Variants in BIN3 observed in about 807,000 individuals in gnomAD.
The protein encoded by BIN3 is bridging integrator 3.
A neutral mutation model predicts 38.2 loss-of-function variants in BIN3; 41 were observed. The observed-to-expected ratio is 1.07, with a 90% CI of 0.84 to 1.39. The LOEUF (loss-of-function observed/expected upper bound fraction) is 1.39. BIN3 is among the 40% of genes most tolerant of loss of function. BIN3 has a pLI of 0.00. For synonymous variants in BIN3, 145 were observed against 122.6 expected (o/e 1.18, Z -1.21); for missense variants, 361 against 324.3 (o/e 1.11, Z -0.87).
At chr8:22,644,908 C>T (rs924367476) in intron 1 of BIN3, 105 bp from the exon 2 acceptor site, 18 of 1,000,194 alleles carry the variant, frequency 1.8e-5, no homozygotes, top group East Asian at 2.7e-5. Context: ...GGCGAGGAAG[C>T]GTGGCCATGG....
chr8:22,639,911 C>G (rs1802488156), intron 2 of BIN3, among the ~76,000 whole-genome samples: 1 of 151,904 alleles, frequency 6.6e-6, no homozygotes, highest in Non-Finnish European at 1.5e-5. Flanking sequence ...ACCCAGGCTA[C>G]AGGGCAATGG....
intron 4 of BIN3, among the ~76,000 whole-genome samples, 189 bp downstream of exon 4, chr8:22,636,336 G>A (rs1802363892): frequency 6.6e-6 from 1 of 152,214 alleles, no homozygotes; most frequent in Non-Finnish European, 1.5e-5. Flanking sequence ...TCCAGAGTGG[G>A]GCAGTGCGAG....
chr8:22,653,814 C>A (rs1802972123), intron 1 of BIN3, among the ~76,000 whole-genome samples: 1 of 152,126 alleles, frequency 6.6e-6, no homozygotes. Flanking sequence ...TAAGTTGGGA[C>A]CCTGAGGCTG....
intron 1 of BIN3, among the ~76,000 whole-genome samples, chr8:22,646,693 T>C (rs1449910570): frequency 6.6e-6 from 1 of 152,052 alleles, no homozygotes; most frequent in Non-Finnish European, 1.5e-5. Context: ...AAAGGTAAGG[T>C]CTGGAAATGA....
intron 6 of BIN3, among the ~76,000 whole-genome samples, chr8:22,628,280 T>C (rs1585179525): frequency 6.6e-6 from 1 of 152,086 alleles, no homozygotes; most frequent in Admixed American, 6.5e-5. Flanking sequence ...GGCGGTGGGG[T>C]GGCCATGTGG....
chr8:22,650,947 G>A (rs1328670126), intron 1 of BIN3, among the ~76,000 whole-genome samples: 6 of 152,168 alleles, frequency 3.9e-5, no homozygotes, highest in Admixed American at 3.9e-4. Flanking sequence ...GATATTGTGA[G>A]TTTTCTTCCA....
At chr8:22,624,564 G>A in intron 6 of BIN3, 1 of 622,372 alleles carries the variant, frequency 1.6e-6, no homozygotes, top group Non-Finnish European at 2.7e-6. Flanking sequence ...GGAGTTCACT[G>A]TGAACAAGAC....
chr8:22,637,614 G>T (rs3779728), intron 2 of BIN3, among the ~76,000 whole-genome samples: 1 of 152,178 alleles, frequency 6.6e-6, no homozygotes, highest in African/African-American at 2.4e-5. Context: ...TCCTGAACCC[G>T]GGGCTGCACT....
chr8:22,626,813 C>G (rs1331346475), intron 6 of BIN3, among the ~76,000 whole-genome samples: 4 of 152,170 alleles, frequency 2.6e-5, no homozygotes, highest in Admixed American at 2.6e-4. Context: ...GCCTGACCCC[C>G]CAACATCCCC....
intron 6 of BIN3, among the ~76,000 whole-genome samples, chr8:22,627,251 A>T (rs777128073): frequency 5.3e-5 from 8 of 152,094 alleles, no homozygotes; most frequent in Non-Finnish European, 1.2e-4. Flanking sequence ...ACCTTTCTAC[A>T]TTCAGTGGGA....
chr8:22,630,899 C>G (rs767320436), intron 4 of BIN3, among the ~76,000 whole-genome samples: 2 of 152,206 alleles, frequency 1.3e-5, no homozygotes, highest in African/African-American at 2.4e-5. Context: ...ATTCAGTAAA[C>G]CCGGTACCCA....
Position 22,624,246 on chromosome 8 carries a change from C to T in BIN3, c.456G>A (p.Gly152=), listed in dbSNP as rs760994732. ...CCTGGTGGAGCTTGGCCAGCACTGG[C>T]CCCGTCTTCTCCTTTTCCTCATACT... The part of the protein sequence containing the change: ...VEKYEEKEKT[G]PVLAKLHQAR... Residue 152 remains glycine, a synonymous_variant, in exon 7 of 9, where the codon GGG becomes GGA. Coordinates refer to ENST00000276416, the MANE Select transcript of BIN3 (RefSeq NM_018688.6). 6.2e-7 allele frequency: 1 copy of T among 1,613,856 alleles called. No individual in the cohort carries two copies. The highest frequency in any genetic ancestry group is 8.5e-7 in the Non-Finnish European group (1 of 1,179,832).
At chr8:22,640,967 G>C in intron 2 of BIN3, among the ~76,000 whole-genome samples, 1 of 152,168 alleles carries the variant, frequency 6.6e-6, no homozygotes, top group Non-Finnish European at 1.5e-5. Flanking sequence ...TGCTTCCAGC[G>C]GCCGGGGTGG....
In BIN3 at chr8:22,630,010, A is replaced by G. The variant is rs774422889; in HGVS notation, c.298-6T>C. 6.2e-7 allele frequency: 1 copy of G among 1,608,450 alleles called. No individual in the cohort carries two copies. The highest frequency in any genetic ancestry group is 1.1e-5 in the South Asian group (1 of 89,952). ...GTCTTCTGGATCTGGTTCACCTGTC[A>G]AAGAAAAACCCAAAGACATTAAAAC... On this transcript the variant is annotated splice_region_variant and splice_polypyrimidine_tract_variant and intron_variant, in intron 5 of 8. Coordinates refer to ENST00000276416, the MANE Select transcript of BIN3 (RefSeq NM_018688.6).
In BIN3 at chr8:22,621,446, G is replaced by A. The variant is rs199884901; in HGVS notation, c.738C>T (p.Ala246=). ...TTCAGTCATCGGCCACAATGGAGAG[G>A]GCCCGGAGCTCACTGAGTTTGGCCT... ...ENEAKLSELR[A]LSIVADD is the part of the protein sequence containing the mutation. Residue 246 remains alanine (A), a synonymous_variant, in exon 9 of 9, where the codon GCC becomes GCT. Transcript: ENST00000276416. The A allele has an allele frequency of 6.9e-5, 112 of 1,613,632 alleles. 1 individual carries two copies. In the African/African-American group the frequency reaches 1.3e-3, roughly 18 times the overall value.
At chr8:22,638,902 A>C (rs1041114666) in intron 2 of BIN3, among the ~76,000 whole-genome samples, 1 of 152,240 alleles carries the variant, frequency 6.6e-6, no homozygotes, top group Non-Finnish European at 1.5e-5. Flanking sequence ...CTTAGGATCC[A>C]GCAAAAGCTA....
At chr8:22,624,138 G>A in intron 7 of BIN3, 84 bp downstream of exon 7, 1 of 1,585,800 alleles carries the variant, frequency 6.3e-7, no homozygotes. Flanking sequence ...GTGTCTTGGT[G>A]CCCCCAGGTG....
chr8:22,656,116 C>T (rs977843078), intron 1 of BIN3, among the ~76,000 whole-genome samples: 1 of 152,074 alleles, frequency 6.6e-6, no homozygotes, highest in East Asian at 1.9e-4. Context: ...ACCAGAAGTG[C>T]AATATATTTA....
chr8:22,663,673 C>T (rs1199871182), intron 1 of BIN3, among the ~76,000 whole-genome samples: 2 of 152,096 alleles, frequency 1.3e-5, no homozygotes, highest in Middle Eastern at 3.2e-3. Flanking sequence ...AGGTGGAGTG[C>T]CAATTCTCCC....
Sources: gnomAD v4.1 joint callset for allele counts (sites outside exome capture counted in the v4.1 genomes callset) on GRCh38, gnomAD v4.1.1 for gene constraint, MANE v1.5 for transcripts, NCBI Gene and HGNC (gene_info 2026-07-23, HGNC 2026-07-21) for gene names.